The following RBMS3 variants were observed in gnomAD, a reference collection of about 807,000 sequenced individuals.
RBMS3 encodes RNA-binding motif, single-stranded-interacting protein 3.
Under a neutral mutation model 66.8 loss-of-function variants are expected in RBMS3, and 27 were observed. The observed-to-expected ratio is 0.40, with a 90% confidence interval of 0.30 to 0.56. The LOEUF (loss-of-function observed/expected upper bound fraction) is 0.56. Among genes scored for constraint, RBMS3 ranks in the 20% least tolerant of loss-of-function variants. RBMS3 has a pLI of 0.40. For synonymous variants in RBMS3, 188 were observed against 183.0 expected (o/e 1.03, Z -0.22); for missense variants, 513 against 549.5 (o/e 0.93, Z 0.66).
At chr3:29,501,937 A>C (rs1169567922) in intron 3 of RBMS3, among the ~76,000 whole-genome samples, 1 of 152,074 alleles carries the variant, frequency 6.6e-6, no homozygotes, top group Non-Finnish European at 1.5e-5. Flanking sequence ...TTATGGTGTC[A>C]GAGATATATT....
At chr3:29,984,074 C>T (rs1250064118) in intron 12 of RBMS3, among the ~76,000 whole-genome samples, 1 of 152,164 alleles carries the variant, frequency 6.6e-6, no homozygotes, top group Non-Finnish European at 1.5e-5. Context: ...GGTCTTTTCA[C>T]ATACTCCCAT....
At chr3:29,831,750 A>C (rs1033213990) in intron 6 of RBMS3, among the ~76,000 whole-genome samples, 2 of 152,084 alleles carry the variant, frequency 1.3e-5, no homozygotes, top group African/African-American at 4.8e-5. Context: ...GGTTTACCAA[A>C]AGCTGTTAGA....
At chr3:29,384,741 G>T (rs570002931) in intron 1 of RBMS3, among the ~76,000 whole-genome samples, 1 of 152,274 alleles carries the variant, frequency 6.6e-6, no homozygotes, top group African/African-American at 2.4e-5. Context: ...GAGTGGTAAA[G>T]CCAATAAGTG....
At chr3:29,974,007 ATCT>A (rs1359115474) in intron 12 of RBMS3, among the ~76,000 whole-genome samples, 3 of 151,786 alleles carry the variant, frequency 2.0e-5, no homozygotes, top group Admixed American at 6.6e-5. Flanking sequence ...TTCTTCCATC[ATCT>A]TCTTCCAGTA....
At position 29,401,992 on chromosome 3, in the gene RBMS3, C is replaced by T. The variant is rs574220714; in HGVS notation, c.76-32751C>T. Among the ~76,000 whole-genome samples the T allele has an allele frequency of 1.2e-4, 18 of 151,932 alleles. No homozygotes were observed. The South Asian group carries it at 1.9e-3, about 16-fold the overall frequency. On this transcript the variant is annotated intron_variant, in intron 1 of 14. Transcript: ENST00000383767. ...ACATCAAGAATGTTAGTGAAGCTGC[C>T]GATACTGTAATTTAGATAACAGCAA...
At chr3:29,652,564 C>G (rs1281613348) in intron 4 of RBMS3, among the ~76,000 whole-genome samples, 4 of 152,034 alleles carry the variant, frequency 2.6e-5, no homozygotes, top group Non-Finnish European at 2.9e-5. Flanking sequence ...AATTGTATTT[C>G]TCACATGCAT....
chr3:29,826,787 A>G (rs1559712435), intron 6 of RBMS3, among the ~76,000 whole-genome samples: 2 of 152,216 alleles, frequency 1.3e-5, no homozygotes, highest in Admixed American at 1.3e-4. Context: ...TTATATTTTA[A>G]TGCTTATTTG....
At chr3:29,611,567 A>G (rs1008360103) in intron 4 of RBMS3, among the ~76,000 whole-genome samples, 1 of 151,898 alleles carries the variant, frequency 6.6e-6, no homozygotes, top group Non-Finnish European at 1.5e-5. Context: ...TATGCCAGAA[A>G]AAAATGCAGG....
At chr3:29,666,437 G>A (rs1028448888) in intron 4 of RBMS3, among the ~76,000 whole-genome samples, 15 of 152,146 alleles carry the variant, frequency 9.9e-5, no homozygotes, top group Non-Finnish European at 1.2e-4. Context: ...CTTAATGAAT[G>A]AGTAAATGCA....
At chr3:29,688,441 T>A (rs2051829822) in intron 4 of RBMS3, among the ~76,000 whole-genome samples, 1 of 152,072 alleles carries the variant, frequency 6.6e-6, no homozygotes, top group Non-Finnish European at 1.5e-5. Flanking sequence ...TACACTCTCA[T>A]CATCCACATC....
Position 29,747,395 on chromosome 3 carries a change from TAGATA to T in RBMS3, c.557+7519_557+7523del, listed in dbSNP as rs1281957048. 1.3e-3 allele frequency among the ~76,000 whole-genome samples: 9 copies of T among 6,744 alleles called. No homozygotes were observed. In the South Asian group the frequency reaches 0.046, roughly 35 times the overall value. 4.4% of individuals were successfully genotyped at this position (6,744 alleles called of 152,430 possible). A position where few individuals can be genotyped will look rare whatever the true frequency, so the allele number is the denominator to read the frequency against. ...CTATCTAGGTAGGTAGGTAGGTAGA[TAGATA>T]GATAGATAGATAGATAGATAGATAG... On this transcript the variant is annotated intron_variant, in intron 5 of 14. Coordinates refer to ENST00000383767, the MANE Select transcript of RBMS3 (RefSeq NM_001003793.3).
At chr3:29,357,819 A>G (rs536108494) in intron 1 of RBMS3, among the ~76,000 whole-genome samples, 232 of 152,080 alleles carry the variant, frequency 1.5e-3, no homozygotes, top group African/African-American at 5.4e-3. Context: ...GCATTTTTTC[A>G]TGTGTCTGTT....
chr3:29,888,553 G>A (rs1183885994), intron 8 of RBMS3, among the ~76,000 whole-genome samples: 1 of 151,454 alleles, frequency 6.6e-6, no homozygotes, highest in Non-Finnish European at 1.5e-5. Context: ...CTTGCTTTCT[G>A]GAAAGTAAGA....
chr3:29,312,757 G>A (rs563164725), intron 1 of RBMS3, among the ~76,000 whole-genome samples: 16 of 150,284 alleles, frequency 1.1e-4, no homozygotes, highest in Middle Eastern at 3.4e-3. Flanking sequence ...ATGAAGTCCC[G>A]TAAATTAAAT....
intron 12 of RBMS3, among the ~76,000 whole-genome samples, chr3:29,946,277 G>A (rs377550954): frequency 1.3e-4 from 19 of 151,662 alleles, no homozygotes; most frequent in African/African-American, 4.6e-4. Context: ...ACAGGCAATA[G>A]CATTGTAATA....
intron 1 of RBMS3, among the ~76,000 whole-genome samples, chr3:29,299,902 T>A (rs1234351744): frequency 2.0e-5 from 3 of 151,576 alleles, no homozygotes; most frequent in Non-Finnish European, 2.9e-5. Context: ...TAACAAATAG[T>A]CTTATAAAAG....
chr3:29,544,473 A>G (rs2045875143), intron 3 of RBMS3, among the ~76,000 whole-genome samples: 1 of 152,156 alleles, frequency 6.6e-6, no homozygotes, highest in African/African-American at 2.4e-5. Context: ...AAATAAAAGA[A>G]AAGATCACTA....
chr3:29,381,155 A>G (rs180894483), intron 1 of RBMS3, among the ~76,000 whole-genome samples: 1 of 152,122 alleles, frequency 6.6e-6, no homozygotes, highest in Non-Finnish European at 1.5e-5. Flanking sequence ...CAGAAAGGGG[A>G]GAGGTCATAT....
At chr3:29,883,206 T>C (rs1213330238) in intron 7 of RBMS3, among the ~76,000 whole-genome samples, 1 of 152,006 alleles carries the variant, frequency 6.6e-6, no homozygotes, top group African/African-American at 2.4e-5. Flanking sequence ...TTTCCCCATA[T>C]TGTTGGATAT....
Sources: allele counts gnomAD v4.1 joint callset (sites outside exome capture counted in the v4.1 genomes callset), GRCh38; gene constraint gnomAD v4.1.1; transcripts MANE v1.5; gene names NCBI Gene and HGNC (gene_info 2026-07-23, HGNC 2026-07-21).